ZDHHC1: variants seen among roughly 807,000 people sequenced by gnomAD.
ZDHHC1 encodes the protein palmitoyltransferase ZDHHC1.
In ZDHHC1, 45 loss-of-function variants were observed where a neutral mutation model predicts 46.9. That is an observed-to-expected ratio of 0.96 (90% CI 0.76 to 1.23). The LOEUF (loss-of-function observed/expected upper bound fraction) is 1.23, where lower values mean the gene tolerates loss of function less well. ZDHHC1 is among the 50% of genes most tolerant of loss of function. The pLI is 0.00. For synonymous variants in ZDHHC1, 291 were observed against 286.0 expected (o/e 1.02, Z -0.18); for missense variants, 649 against 670.8 (o/e 0.97, Z 0.36).
Position 67,406,189 on chromosome 16 carries a change from C to T in ZDHHC1, c.252+11G>A. On this transcript the variant is annotated intron_variant, in intron 3 of 11. Coordinates refer to ENST00000565726, the MANE Select transcript of ZDHHC1 (RefSeq NM_001323627.2). The surrounding 1 kb of genome is among the most constrained non-coding windows in gnomAD (Gnocchi z 4.1). ...CTTCCACACACCAGCCCTACGCTTT[C>T]CCAAGGATACAGCGTAGCCAGCGGG... 1 of 1,613,300 alleles carries T rather than the reference C, an allele frequency of 6.2e-7. No individual in the cohort carries two copies. The highest frequency in any genetic ancestry group is 8.5e-7 in the Non-Finnish European group (1 of 1,179,626).
chr16:67,413,162 C>T (rs1163389281), intron 1 of ZDHHC1, among the ~76,000 whole-genome samples: 1 of 151,930 alleles, frequency 6.6e-6, no homozygotes, highest in East Asian at 1.9e-4. Flanking sequence ...TCACTGTAAC[C>T]TCAAACTCAT....
At chr16:67,397,404 G>A (rs2040453840) in intron 8 of ZDHHC1, among the ~76,000 whole-genome samples, 1 of 152,222 alleles carries the variant, frequency 6.6e-6, no homozygotes, top group South Asian at 2.1e-4. Context: ...CCCACAGCCA[G>A]CATGCCCCAG....
At chr16:67,396,319 G>A (rs1253939061) in intron 8 of ZDHHC1, 1 of 152,284 alleles carries the variant, frequency 6.6e-6, no homozygotes, top group Non-Finnish European at 1.5e-5. Flanking sequence ...GGAAACAAAA[G>A]CCTGGGGAAA....
intron 1 of ZDHHC1, among the ~76,000 whole-genome samples, chr16:67,411,547 C>T (rs1044078908): frequency 2.6e-5 from 4 of 152,132 alleles, no homozygotes; most frequent in Admixed American, 1.3e-4. Flanking sequence ...TCTGGCGAAA[C>T]TTTAGAACAT....
In ZDHHC1 at chr16:67,416,424, AG is replaced by A. The variant is rs1268538884; in HGVS notation, c.-293del. The A allele has an allele frequency of 5.2e-6, 1 of 190,818 alleles. No individual in the cohort carries two copies. The highest frequency in any genetic ancestry group is 2.5e-5 in the African/African-American group (1 of 39,780). The allele number at this position is 190,818 out of a possible 1,614,324, so 11.8% of individuals were successfully genotyped here. ...CTCCGGCTCCGGCTCCGGCTCCAGC[AG>A]GCTGGAGGGGCGGCCAGGCCAGACC... is the stretch of plus-strand genomic sequence containing the variant. On this transcript the variant is annotated 5_prime_UTR_variant, in exon 1 of 12. Coordinates refer to ENST00000565726, the MANE Select transcript of ZDHHC1 (RefSeq NM_001323627.2).
chr16:67,397,012 C>CA (rs2040447071), intron 8 of ZDHHC1, among the ~76,000 whole-genome samples: 1 of 152,220 alleles, frequency 6.6e-6, no homozygotes, highest in Non-Finnish European at 1.5e-5. Flanking sequence ...GATACTGTCT[C>CA]AGAGACCTTC....
rs1438131922 is a variant in ZDHHC1 at position 67,395,554 on chromosome 16, A to G, written c.940T>C (p.Tyr314His). ...KMRPIQEMEFYMRTFRHMRPE... is the reference protein window; with the variant it reads ...KMRPIQEMEFHMRTFRHMRPE... ...CGCATATGTCTGAAGGTCCGCATGT[A>G]GAACTCCATCTCCTGGGGAAGGTGG... Residue 314 changes from tyrosine to histidine, a missense_variant, in exon 9 of 12, where the codon TAC (tyrosine) becomes CAC (histidine). Physicochemically the swap from Tyr to His is moderately conservative, Grantham distance 83. Transcript: ENST00000565726. The G allele has an allele frequency of 2.6e-6, 4 of 1,553,774 alleles. No individual in the cohort carries two copies. Among genetic ancestry groups the G allele is most frequent in the Non-Finnish European group, 2.6e-6 (3 of 1,148,032 alleles).
intron 8 of ZDHHC1, among the ~76,000 whole-genome samples, chr16:67,396,577 T>A (rs2040438180): frequency 6.7e-6 from 1 of 149,962 alleles, no homozygotes. Context: ...TGGGGGTGGG[T>A]GGCTGCCTGC....
In ZDHHC1 at chr16:67,395,337, G is replaced by A. The variant is rs991462758; in HGVS notation, c.1011-57C>T. On this transcript the variant is annotated intron_variant, in intron 9 of 11. Coordinates refer to ENST00000565726, the MANE Select transcript of ZDHHC1 (RefSeq NM_001323627.2). ...CCTGTTCCCCAAATCCCTCCCCACTGGAGGTGCTGAGAGAAGCTTCCCTTC... is the reference window on the plus strand; with the variant it reads ...CCTGTTCCCCAAATCCCTCCCCACTAGAGGTGCTGAGAGAAGCTTCCCTTC... 4.7e-6 allele frequency: 7 copies of A among 1,496,416 alleles called. No individual in the cohort carries two copies. In the African/African-American group the frequency reaches 8.4e-5, roughly 18 times the overall value. 92.7% of individuals were successfully genotyped at this position (1,496,416 alleles called of 1,614,324 possible). A position where few individuals can be genotyped will look rare whatever the true frequency, so the allele number is the denominator to read the frequency against.
At chr16:67,396,457 G>A (rs773083353) in intron 8 of ZDHHC1, among the ~76,000 whole-genome samples, 5 of 152,166 alleles carry the variant, frequency 3.3e-5, no homozygotes, top group African/African-American at 7.2e-5. Context: ...AGACGGAGGC[G>A]TCCTGACTAA....
chr16:67,408,453 G>A (rs1824781554), intron 1 of ZDHHC1, among the ~76,000 whole-genome samples: 2 of 151,584 alleles, frequency 1.3e-5, no homozygotes, highest in Admixed American at 6.6e-5. Flanking sequence ...GGGATTAGAG[G>A]CGTGAGCCAC....
At chr16:67,399,950 G>T (rs1460886168) in intron 4 of ZDHHC1, among the ~76,000 whole-genome samples, 2 of 152,214 alleles carry the variant, frequency 1.3e-5, no homozygotes, top group East Asian at 3.9e-4. Context: ...TGGACTAAGA[G>T]AAAAGAGGCA....
chr16:67,407,403 T>C (rs1363061134), intron 2 of ZDHHC1, among the ~76,000 whole-genome samples: 2 of 152,234 alleles, frequency 1.3e-5, no homozygotes, highest in African/African-American at 4.8e-5. Flanking sequence ...CCCTGGTAGC[T>C]GAACTCTCCT....
rs2040552536 is a variant in ZDHHC1, at chr16:67,401,471, G to A, written c.253-339C>T. On this transcript the variant is annotated intron_variant, in intron 3 of 11. Transcript: ENST00000565726. This position sits in a 1 kb window ranked among gnomAD's most constrained non-coding sequence, Gnocchi z 4.6. Reference sequence around the variant, plus strand: ...TGGTCTGACCTCAGGCTGGTTTCTGGTTTCAGATTCCAAATGGTGATGTGA... The same window carrying A: ...TGGTCTGACCTCAGGCTGGTTTCTGATTTCAGATTCCAAATGGTGATGTGA... Among the ~76,000 whole-genome samples the A allele has an allele frequency of 1.3e-5, 2 of 152,210 alleles. No homozygotes were observed. Among genetic ancestry groups the A allele is most frequent in the African/African-American group, 2.4e-5 (1 of 41,440 alleles).
chr16:67,394,919 C>T (rs774377872), intron 11 of ZDHHC1, 26 bp from the exon 12 acceptor site: 6 of 1,568,442 alleles, frequency 3.8e-6, no homozygotes, highest in African/African-American at 1.4e-5. Flanking sequence ...GAACATGAGC[C>T]CAGTGGCTGC....
At chr16:67,400,072 C>T (rs1207243789) in intron 4 of ZDHHC1, among the ~76,000 whole-genome samples, 1 of 152,218 alleles carries the variant, frequency 6.6e-6, no homozygotes, top group Non-Finnish European at 1.5e-5. Context: ...CACAACCCCT[C>T]CCCCAGAACA....
chr16:67,398,185 C>G (rs758317701), intron 8 of ZDHHC1, 27 bp downstream of exon 8: 2 of 1,588,850 alleles, frequency 1.3e-6, no homozygotes, highest in Non-Finnish European at 1.7e-6. Flanking sequence ...CACACCCAGG[C>G]CCCCTCCCAC....
intron 1 of ZDHHC1, among the ~76,000 whole-genome samples, chr16:67,413,767 C>CT (rs1325768711): frequency 6.6e-6 from 1 of 151,712 alleles, no homozygotes; most frequent in African/African-American, 2.4e-5. Context: ...TGGTGAAACC[C>CT]GTCTCTACTA....
In ZDHHC1 at chr16:67,411,896, T is replaced by G. The variant is rs550135631; in HGVS notation, c.-38-4083A>C. Among the ~76,000 whole-genome samples the G allele has an allele frequency of 3.9e-5, 6 of 152,274 alleles. No individual in the cohort carries two copies. The South Asian group carries it at 1.2e-3, about 32-fold the overall frequency. On this transcript the variant is annotated intron_variant, in intron 1 of 11. Coordinates refer to ENST00000565726, the MANE Select transcript of ZDHHC1 (RefSeq NM_001323627.2). ...GGGAGGTCGAGGAGGGCAGATCACT[T>G]GAGGTCAGGAGTTCGTGACCAGCCT...
Sources: gnomAD v4.1 joint callset for allele counts (sites outside exome capture counted in the v4.1 genomes callset) on GRCh38, gnomAD v4.1.1 for gene constraint, Gnocchi (gnomAD v3.1) non-coding constraint, MANE v1.5 for transcripts, NCBI Gene and HGNC (gene_info 2026-07-23, HGNC 2026-07-21) for gene names.